Variants in CMSS1 observed in about 807,000 individuals in gnomAD.
CMSS1 encodes the protein cms1 ribosomal small subunit homolog.
A neutral mutation model predicts 43.5 loss-of-function variants in CMSS1; 33 were observed. That is an observed-to-expected ratio of 0.76 (90% confidence interval 0.57 to 1.01). The LOEUF (loss-of-function observed/expected upper bound fraction) is 1.01. Ranked by LOEUF, CMSS1 falls within the 50% of genes least tolerant of loss-of-function variation. The pLI is 0.00. For missense variants in CMSS1, 313 were observed against 326.4 expected (o/e 0.96, Z 0.32); for synonymous variants, 115 against 117.2 (o/e 0.98, Z 0.12).
At chr3:99,917,187 T>C (rs551669200) in intron 1 of CMSS1, among the ~76,000 whole-genome samples, 1 of 152,206 alleles carries the variant, frequency 6.6e-6, no homozygotes, top group African/African-American at 2.4e-5. Context: ...CCTAGGGCTG[T>C]GCTGGCTGTT....
chr3:99,925,746 T>TGCACTTGGGATATCTGCCAAGA, intron 1 of CMSS1: 3 of 465,154 alleles, frequency 6.4e-6, no homozygotes, highest in Non-Finnish European at 8.5e-6. Context: ...ATATCCCAAG[T>TGCACTTGGGATATCTGCCAAGA]GCACTTGGTG....
chr3:100,125,233 G>A (rs562111130), intron 1 of CMSS1, among the ~76,000 whole-genome samples: 44 of 152,260 alleles, frequency 2.9e-4, no homozygotes, highest in Admixed American at 7.8e-4. Flanking sequence ...TTCTCATGAC[G>A]GAACATAACT....
In CMSS1 at chr3:100,042,610, T is replaced by C. The variant is rs536844928; in HGVS notation, c.65-104363T>C. Among the ~76,000 whole-genome samples, 49 of 152,344 alleles carry C rather than the reference T, an allele frequency of 3.2e-4. 2 individuals carry two copies. The South Asian group carries it at 9.9e-3, about 31-fold the overall frequency. ...GACATTGTTAACCAGAGTACATAATTAGAACAATTCCAACCATGCCAGATG... is the reference window on the plus strand; with the variant it reads ...GACATTGTTAACCAGAGTACATAATCAGAACAATTCCAACCATGCCAGATG... On this transcript the variant is annotated intron_variant, in intron 1 of 9. Transcript: ENST00000421999.
At chr3:99,886,907 T>C (rs1023859937) in intron 1 of CMSS1, among the ~76,000 whole-genome samples, 3 of 147,792 alleles carry the variant, frequency 2.0e-5, no homozygotes, top group African/African-American at 7.6e-5. Context: ...GAGGCAGAGG[T>C]TGTAGTGAGC....
chr3:99,991,984 GTA>G (rs1023406741), intron 1 of CMSS1, among the ~76,000 whole-genome samples: 1 of 148,658 alleles, frequency 6.7e-6, no homozygotes, highest in Admixed American at 6.8e-5. Context: ...ACATATATGT[GTA>G]TATATACGTA....
chr3:100,123,612 C>T (rs2066639108), intron 1 of CMSS1, among the ~76,000 whole-genome samples: 1 of 152,160 alleles, frequency 6.6e-6, no homozygotes, highest in African/African-American at 2.4e-5. Flanking sequence ...CCAGGCCGTG[C>T]GCTGGGTAGA....
chr3:100,097,148 G>A (rs2066223986), intron 1 of CMSS1, among the ~76,000 whole-genome samples: 1 of 152,136 alleles, frequency 6.6e-6, no homozygotes, highest in Admixed American at 6.5e-5. Flanking sequence ...GTGAACTACA[G>A]AACTGCACAT....
chr3:100,108,757 C>T (rs1183332682), intron 1 of CMSS1, among the ~76,000 whole-genome samples: 1 of 152,130 alleles, frequency 6.6e-6, no homozygotes, highest in Non-Finnish European at 1.5e-5. Flanking sequence ...ATGTATGCCC[C>T]TTCCAAACAT....
At chr3:100,107,384 T>C (rs998913045) in intron 1 of CMSS1, among the ~76,000 whole-genome samples, 11 of 152,186 alleles carry the variant, frequency 7.2e-5, no homozygotes, top group African/African-American at 2.7e-4. Flanking sequence ...GTAAGCATTA[T>C]AGCCTCTTCT....
intron 1 of CMSS1, among the ~76,000 whole-genome samples, chr3:99,851,582 C>G (rs1943699078): frequency 1.3e-5 from 2 of 152,216 alleles, no homozygotes; most frequent in South Asian, 4.1e-4. Flanking sequence ...CTAAGATTCT[C>G]ATTGTCCTGG....
intron 1 of CMSS1, among the ~76,000 whole-genome samples, chr3:100,092,514 G>C (rs1411812881): frequency 6.6e-6 from 1 of 151,574 alleles, no homozygotes; most frequent in Non-Finnish European, 1.5e-5. Context: ...AAGGTCTAAA[G>C]ACAAATTTCC....
At chr3:100,096,481 T>C (rs2107447194) in intron 1 of CMSS1, among the ~76,000 whole-genome samples, 1 of 151,744 alleles carries the variant, frequency 6.6e-6, no homozygotes. Flanking sequence ...GAACTGGAGG[T>C]CATTATGTTA....
intron 1 of CMSS1, among the ~76,000 whole-genome samples, chr3:99,827,218 G>T (rs1942552119): frequency 1.3e-5 from 2 of 152,116 alleles, no homozygotes; most frequent in African/African-American, 4.8e-5. Flanking sequence ...TTGAGACAGA[G>T]TCTCACTCTG....
chr3:100,178,163 A>G (rs918733733), intron 9 of CMSS1, 142 bp from the exon 10 acceptor site: 2 of 512,030 alleles, frequency 3.9e-6, no homozygotes, highest in African/African-American at 3.8e-5. Flanking sequence ...CTCTGAATCA[A>G]ATGTGTGTTA....
chr3:100,121,940 G>T (rs542615518), intron 1 of CMSS1, among the ~76,000 whole-genome samples: 2 of 152,104 alleles, frequency 1.3e-5, no homozygotes, highest in African/African-American at 2.4e-5. Context: ...GGAGAATCTC[G>T]GCAGAAGGCT....
At chr3:100,030,232 A>G (rs1367068493) in intron 1 of CMSS1, among the ~76,000 whole-genome samples, 1 of 152,010 alleles carries the variant, frequency 6.6e-6, no homozygotes, top group African/African-American at 2.4e-5. Flanking sequence ...GGGCATTTTG[A>G]CTGTATAGTA....
chr3:99,820,687 T>C (rs1942418990), intron 1 of CMSS1, among the ~76,000 whole-genome samples: 1 of 152,242 alleles, frequency 6.6e-6, no homozygotes, highest in African/African-American at 2.4e-5. Flanking sequence ...GATTTCCTGA[T>C]TCTTCTTTTG....
At chr3:100,089,888 T>G (rs2066073904) in intron 1 of CMSS1, among the ~76,000 whole-genome samples, 1 of 152,218 alleles carries the variant, frequency 6.6e-6, no homozygotes, top group African/African-American at 2.4e-5. Flanking sequence ...TGTCTTCCGT[T>G]TCCTAGGCTG....
intron 1 of CMSS1, among the ~76,000 whole-genome samples, chr3:100,078,786 G>A (rs2065889279): frequency 6.6e-6 from 1 of 152,104 alleles, no homozygotes; most frequent in African/African-American, 2.4e-5. Flanking sequence ...AGCTACTCGG[G>A]AGGCTAAGGC....
Sources: gnomAD v4.1 joint callset for allele counts (sites outside exome capture counted in the v4.1 genomes callset) on GRCh38, gnomAD v4.1.1 for gene constraint, MANE v1.5 for transcripts, NCBI Gene and HGNC (gene_info 2026-07-23, HGNC 2026-07-21) for gene names.